The following SLC44A1 variants were observed in gnomAD, a reference collection of about 807,000 sequenced individuals.
SLC44A1 encodes solute carrier family 44 member 1, also known as choline transporter-like protein 1.
SLC44A1 carries 26 observed loss-of-function variants against 79.3 expected under a neutral mutation model. The ratio of observed to expected loss-of-function variants is 0.33; its 90% CI spans 0.24 to 0.46. The LOEUF (loss-of-function observed/expected upper bound fraction) is 0.46. Among genes scored for constraint, SLC44A1 ranks in the 20% least tolerant of loss-of-function variants. SLC44A1 has a pLI of 1.00. For missense variants in SLC44A1, 688 were observed against 798.1 expected (o/e 0.86, Z 1.66); for synonymous variants, 263 against 286.2 (o/e 0.92, Z 0.82).
At chr9:105,416,294 T>TA (rs527373222) in intron 15 of SLC44A1, among the ~76,000 whole-genome samples, 3,937 of 136,926 alleles carry the variant, frequency 0.029, 101 homozygotes, top group African/African-American at 0.068. Flanking sequence ...CCAGGCAAGA[T>TA]AAAAAAAAAA....
intron 1 of SLC44A1, among the ~76,000 whole-genome samples, chr9:105,258,555 G>A (rs1482991673): frequency 1.3e-5 from 2 of 152,198 alleles, no homozygotes; most frequent in East Asian, 1.9e-4. Flanking sequence ...GTAGTTCCAA[G>A]CCTGTGCACT....
chr9:105,297,338 A>G (rs1245993705), intron 1 of SLC44A1, among the ~76,000 whole-genome samples: 1 of 152,174 alleles, frequency 6.6e-6, no homozygotes. Flanking sequence ...TGGGGTTTGA[A>G]TTCCCTAAAT....
Position 105,396,924 on chromosome 9 carries a change from C to A in SLC44A1, c.*7868C>A, listed in dbSNP as rs1379794461. On this transcript the variant is annotated 3_prime_UTR_variant, in exon 16 of 16. Transcript: ENST00000374720. ...CACTGTATTCATGTGGGGGAACAAACATGTAGGTGCTTGAACATGCCCCAC... is the reference window on the plus strand; with the variant it reads ...CACTGTATTCATGTGGGGGAACAAAAATGTAGGTGCTTGAACATGCCCCAC... The A allele has an allele frequency of 5.1e-6, 5 of 984,966 alleles. No homozygotes were observed. In the African/African-American group the frequency reaches 8.7e-5, roughly 17 times the overall value. 61.0% of individuals were successfully genotyped at this position (984,966 alleles called of 1,614,324 possible).
At position 105,268,259 on chromosome 9, in the gene SLC44A1, G is replaced by GT. The variant is rs145786169; in HGVS notation, c.36+23359dup. Among the ~76,000 whole-genome samples the GT allele has an allele frequency of 7.3e-3, 1,104 of 152,236 alleles. 8 individuals are homozygous for GT. The highest frequency in any genetic ancestry group is 0.025 in the African/African-American group (1,045 of 41,524). On this transcript the variant is annotated intron_variant, in intron 1 of 15. Transcript: ENST00000374720. ...CCATGAATTCCTGAGTTTTGAGGGA[G>GT]TTTTGTGGTGTAAGTGGGTTCACTT...
rs573811131 is a variant in SLC44A1 at position 105,389,422 on chromosome 9, G to T, written c.*366G>T. The T allele has an allele frequency of 9.7e-7, 1 of 1,031,008 alleles. No homozygotes were observed. Among genetic ancestry groups the T allele is most frequent in the Non-Finnish European group, 1.2e-6 (1 of 856,064 alleles). 63.9% of individuals were successfully genotyped at this position (1,031,008 alleles called of 1,614,324 possible). ...TTATTTAAAAATAGGTAAAATTATT[G>T]TACCTAATTATGTCTAAAGTTTATT... On this transcript the variant is annotated 3_prime_UTR_variant, in exon 16 of 16. Coordinates refer to ENST00000374720, the MANE Select transcript of SLC44A1 (RefSeq NM_080546.5).
Position 105,403,895 on chromosome 9 carries a change from C to T in SLC44A1, c.1950+18393C>T, listed in dbSNP as rs1828990993. On this transcript the variant is annotated intron_variant, in intron 15 of 15. Coordinates refer to the SLC44A1 transcript ENST00000374724. The stretch of plus-strand genomic sequence containing the variant: ...ATCAGATCTCGAGGGTCTTGCAGGC[C>T]ACCCTAACGGTCTTGATTTTATGCT... Among the ~76,000 whole-genome samples the T allele has an allele frequency of 7.9e-5, 12 of 151,350 alleles. No homozygotes were observed. In the South Asian group the frequency reaches 2.5e-3, roughly 32 times the overall value.
chr9:105,314,568 CTTT>C (rs1032171281), intron 3 of SLC44A1, among the ~76,000 whole-genome samples: 2 of 152,108 alleles, frequency 1.3e-5, no homozygotes, highest in Non-Finnish European at 2.9e-5. Flanking sequence ...ATCTAATTTT[CTTT>C]TTTATCTTCT....
chr9:105,421,530 A>G (rs940572610), intron 15 of SLC44A1, among the ~76,000 whole-genome samples: 8 of 152,052 alleles, frequency 5.3e-5, no homozygotes, highest in Non-Finnish European at 1.0e-4. Context: ...AGAATAGAGC[A>G]GCGACACTCA....
chr9:105,423,292 T>C (rs916138489), intron 15 of SLC44A1, among the ~76,000 whole-genome samples: 2 of 152,040 alleles, frequency 1.3e-5, no homozygotes, highest in Non-Finnish European at 2.9e-5. Context: ...GGTGAAACCC[T>C]GTCTCTACTA....
intron 2 of SLC44A1, among the ~76,000 whole-genome samples, chr9:105,307,549 C>G (rs1831065096): frequency 6.6e-6 from 1 of 151,524 alleles, no homozygotes. Flanking sequence ...GAGGCTGATG[C>G]AGGAGAATCG....
intron 11 of SLC44A1, 48 bp downstream of exon 11, chr9:105,365,687 C>T: frequency 6.5e-7 from 1 of 1,534,700 alleles, no homozygotes; most frequent in Non-Finnish European, 9.0e-7. Context: ...CATTCCAGAC[C>T]TCAGTTCTGC....
chr9:105,248,233 CT>C (rs1302217668), intron 1 of SLC44A1, among the ~76,000 whole-genome samples: 2 of 152,332 alleles, frequency 1.3e-5, no homozygotes, highest in East Asian at 3.9e-4. Context: ...CAGGGCTTCA[CT>C]TTTGAAATAT....
intron 1 of SLC44A1, among the ~76,000 whole-genome samples, chr9:105,276,343 T>G (rs1830200618): frequency 6.6e-6 from 1 of 152,182 alleles, no homozygotes; most frequent in Admixed American, 6.5e-5. Context: ...GTCACTGCTT[T>G]CATCATGTCA....
intron 1 of SLC44A1, among the ~76,000 whole-genome samples, chr9:105,258,883 T>A (rs1829775797): frequency 6.6e-6 from 1 of 151,904 alleles, no homozygotes; most frequent in Non-Finnish European, 1.5e-5. Flanking sequence ...TTTTTTTTTT[T>A]TGGTAGAGAG....
At chr9:105,431,652 C>A (rs1358588181) in intron 15 of SLC44A1, among the ~76,000 whole-genome samples, 3 of 152,164 alleles carry the variant, frequency 2.0e-5, no homozygotes, top group Non-Finnish European at 2.9e-5. Flanking sequence ...CTCCAAGAGT[C>A]TCCATAGAGA....
chr9:105,309,291 A>G (rs1671185941), intron 2 of SLC44A1, among the ~76,000 whole-genome samples: 1 of 152,178 alleles, frequency 6.6e-6, no homozygotes, highest in African/African-American at 2.4e-5. Context: ...GTTTGATTCT[A>G]TGCTCTGATC....
intron 5 of SLC44A1, among the ~76,000 whole-genome samples, chr9:105,350,999 A>G (rs889224417): frequency 1.3e-5 from 2 of 152,208 alleles, no homozygotes; most frequent in Admixed American, 1.3e-4. Context: ...AATGCCTAGA[A>G]AGAGTTGTAT....
chr9:105,414,290 C>T (rs928140621), intron 15 of SLC44A1, among the ~76,000 whole-genome samples: 14 of 152,000 alleles, frequency 9.2e-5, no homozygotes, highest in African/African-American at 2.9e-4. Context: ...CTCCTGATCT[C>T]GTGATCCGCC....
intron 12 of SLC44A1, among the ~76,000 whole-genome samples, chr9:105,372,586 G>T (rs1240906567): frequency 6.6e-6 from 1 of 150,468 alleles, no homozygotes; most frequent in African/African-American, 2.4e-5. Flanking sequence ...CACCACACCC[G>T]TCTTCATACT....
Sources: allele counts gnomAD v4.1 joint callset (sites outside exome capture counted in the v4.1 genomes callset), GRCh38; gene constraint gnomAD v4.1.1; transcripts MANE v1.5; gene names NCBI Gene and HGNC (gene_info 2026-07-23, HGNC 2026-07-21).